The following SGCZ variants were observed in gnomAD, a reference collection of about 807,000 sequenced individuals.
SGCZ encodes zeta-sarcoglycan.
Under a neutral mutation model 41.3 loss-of-function variants are expected in SGCZ, and 40 were observed. The observed-to-expected ratio is 0.97, with a 90% CI of 0.75 to 1.26. The LOEUF (loss-of-function observed/expected upper bound fraction) is 1.26. Ranked by LOEUF, SGCZ falls within the 50% of genes most tolerant of loss-of-function variation. The probability of loss-of-function intolerance (pLI) is 0.00; values close to 1 mark genes in which losing one functional copy is unlikely to be tolerated. For missense variants in SGCZ, 552 were observed against 369.8 expected, an observed-to-expected ratio of 1.49 and a Z score of -4.04; for synonymous variants, 206 against 137.5, an observed-to-expected ratio of 1.50 and a Z score of -3.49.
chr8:14,117,418 G>C (rs1802557558), intron 5 of SGCZ, among the ~76,000 whole-genome samples: 1 of 145,788 alleles, frequency 6.9e-6, no homozygotes, highest in African/African-American at 2.5e-5. Flanking sequence ...CTGTGTGTGT[G>C]TGTGTGTGTG....
intron 2 of SGCZ, among the ~76,000 whole-genome samples, chr8:14,434,326 G>C (rs1351107269): frequency 2.0e-5 from 3 of 152,176 alleles, no homozygotes; most frequent in African/African-American, 4.8e-5. Context: ...ATTGGTCTAT[G>C]TGCCTATGTT....
intron 1 of SGCZ, among the ~76,000 whole-genome samples, chr8:14,592,684 T>C (rs1426873147): frequency 6.6e-6 from 1 of 152,158 alleles, no homozygotes; most frequent in East Asian, 1.9e-4. Context: ...TTACCAATAT[T>C]CCATGACACT....
chr8:14,397,468 T>C (rs1379583378), intron 2 of SGCZ, among the ~76,000 whole-genome samples: 2 of 152,158 alleles, frequency 1.3e-5, no homozygotes, highest in African/African-American at 4.8e-5. Context: ...AAAATAATTA[T>C]AAATCAAGCT....
chr8:14,607,617 G>C (rs1805793493), intron 1 of SGCZ, among the ~76,000 whole-genome samples: 1 of 152,214 alleles, frequency 6.6e-6, no homozygotes, highest in East Asian at 1.9e-4. Flanking sequence ...TAACTGTCTA[G>C]ACTGTGAGTG....
chr8:14,197,667 T>G (rs7842299), intron 4 of SGCZ, among the ~76,000 whole-genome samples: 112,812 of 151,902 alleles, frequency 0.74, 42,702 homozygotes, highest in African/African-American at 0.87. Flanking sequence ...TCCTCTACCT[T>G]ATAAAGGGCA....
chr8:14,556,285 C>G (rs551387542), intron 1 of SGCZ, among the ~76,000 whole-genome samples: 1 of 151,054 alleles, frequency 6.6e-6, no homozygotes, highest in Non-Finnish European at 1.5e-5. Context: ...TATTAAATGA[C>G]GAATCTAACA....
chr8:14,150,046 C>T (rs1369044739), intron 5 of SGCZ, among the ~76,000 whole-genome samples: 2 of 152,024 alleles, frequency 1.3e-5, no homozygotes, highest in Non-Finnish European at 2.9e-5. Context: ...AAAGACTTAA[C>T]TCTAAGACAT....
Position 14,214,323 on chromosome 8 carries a change from T to G in SGCZ, c.424+23269A>C, listed in dbSNP as rs116815453. On this transcript the variant is annotated intron_variant, in intron 4 of 7. Coordinates refer to ENST00000382080, the MANE Select transcript of SGCZ (RefSeq NM_139167.4). ...CAACTATCATAACCAAGAGGAACAG[T>G]AGAGACAAGACTACTAAATGTAGTG... 7.8e-3 allele frequency among the ~76,000 whole-genome samples: 1,188 copies of G among 152,160 alleles called. 13 individuals are homozygous for G. Among genetic ancestry groups the G allele is most frequent in the African/African-American group, 0.027 (1,111 of 41,540 alleles).
rs28428905 is a variant in SGCZ at position 15,218,729 on chromosome 8, G to T, written c.39+18856C>A. 7.7e-3 allele frequency among the ~76,000 whole-genome samples: 1,170 copies of T among 152,244 alleles called. 12 individuals carry two copies. Among genetic ancestry groups the T allele is most frequent in the African/African-American group, 0.022 (905 of 41,518 alleles). ...CCTCATGAACATATTAACAATAACT[G>T]AGTAATAATTGACGCATGGATGGAT... On this transcript the variant is annotated intron_variant, in intron 1 of 7. Transcript: ENST00000382080.
At chr8:14,577,378 AT>A (rs1804742464) in intron 1 of SGCZ, among the ~76,000 whole-genome samples, 1 of 149,196 alleles carries the variant, frequency 6.7e-6, no homozygotes, top group Non-Finnish European at 1.5e-5. Flanking sequence ...AAGAAAAGAA[AT>A]ATATCTTTTT....
chr8:14,281,208 T>A (rs560657644), intron 3 of SGCZ, among the ~76,000 whole-genome samples: 1 of 152,144 alleles, frequency 6.6e-6, no homozygotes, highest in Admixed American at 6.5e-5. Context: ...GTTTCTACTC[T>A]ATATAATTGG....
At chr8:14,428,808 T>G (rs1479579188) in intron 2 of SGCZ, among the ~76,000 whole-genome samples, 1 of 152,192 alleles carries the variant, frequency 6.6e-6, no homozygotes, top group African/African-American at 2.4e-5. Flanking sequence ...TTCCTGCACA[T>G]GGATATAAGT....
At chr8:14,356,959 T>A (rs1803318580) in intron 2 of SGCZ, among the ~76,000 whole-genome samples, 1 of 152,012 alleles carries the variant, frequency 6.6e-6, no homozygotes, top group Non-Finnish European at 1.5e-5. Flanking sequence ...AATTCTAAAT[T>A]TGAGAAAAAC....
intron 1 of SGCZ, among the ~76,000 whole-genome samples, chr8:14,671,171 C>A (rs565741634): frequency 5.1e-4 from 78 of 152,272 alleles, no homozygotes; most frequent in Admixed American, 9.2e-4. Context: ...GAACCCATTT[C>A]TTTTGTAACT....
At position 14,246,524 on chromosome 8, in the gene SGCZ, C is replaced by G. The variant is rs191968700; in HGVS notation, c.337-8845G>C. Among the ~76,000 whole-genome samples, 1,120 of 151,412 alleles carry G rather than the reference C, an allele frequency of 7.4e-3. 5 individuals are homozygous for G. The highest frequency in any genetic ancestry group is 8.0e-3 in the Non-Finnish European group (544 of 67,884). ...TGACGAGTTAATGGGTGCAGCACAC[C>G]AGCATGGCACATGTATACATATGTA... On this transcript the variant is annotated intron_variant, in intron 3 of 7. Coordinates refer to ENST00000382080, the MANE Select transcript of SGCZ (RefSeq NM_139167.4).
intron 1 of SGCZ, among the ~76,000 whole-genome samples, chr8:14,677,416 C>G (rs2117529462): frequency 6.6e-6 from 1 of 152,210 alleles, no homozygotes. Flanking sequence ...CAATCAAAAT[C>G]TCAGCTTATT....
chr8:15,207,006 T>C (rs1009007802), intron 1 of SGCZ, among the ~76,000 whole-genome samples: 2 of 152,180 alleles, frequency 1.3e-5, no homozygotes, highest in South Asian at 2.1e-4. Flanking sequence ...ATGCAAGAGA[T>C]ATTGTCAAGA....
intron 3 of SGCZ, among the ~76,000 whole-genome samples, chr8:14,311,796 A>AT (rs142534427): frequency 0.35 from 53,705 of 151,886 alleles, 10,132 homozygotes; most frequent in Non-Finnish European, 0.43. Flanking sequence ...TGAAATGTGT[A>AT]TTTTTTTCTG....
intron 1 of SGCZ, among the ~76,000 whole-genome samples, chr8:15,082,578 T>C (rs982759486): frequency 2.6e-5 from 4 of 152,106 alleles, no homozygotes; most frequent in African/African-American, 9.7e-5. Context: ...TTTTTCATTC[T>C]TGTACACTGG....
Sources: gnomAD v4.1 joint callset for allele counts (sites outside exome capture counted in the v4.1 genomes callset) on GRCh38, gnomAD v4.1.1 for gene constraint, MANE v1.5 for transcripts, NCBI Gene and HGNC (gene_info 2026-07-23, HGNC 2026-07-21) for gene names.